The following NFASC variants were observed in gnomAD, a reference collection of about 807,000 sequenced individuals.
NFASC encodes the protein neurofascin, also known as neurofascin homolog.
NFASC carries 43 observed loss-of-function variants against 147.5 expected under a neutral mutation model. The observed-to-expected ratio is 0.29, with a 90% CI of 0.23 to 0.38. The LOEUF is 0.38. Among genes scored for constraint, NFASC ranks in the 10% least tolerant of loss-of-function variants. NFASC has a pLI of 1.00. For missense variants in NFASC, 1,320 were observed against 1,689.0 expected (o/e 0.78, Z 3.83); for synonymous variants, 622 against 665.5 (o/e 0.93, Z 1.01).
chr1:205,022,230 C>T lies in NFASC; in HGVS notation c.*5691C>T, dbSNP rs1017694500. On this transcript the variant is annotated 3_prime_UTR_variant, in exon 30 of 30. Coordinates refer to ENST00000339876, the MANE Select transcript of NFASC (RefSeq NM_001005388.3). ...TTTTCTGATTCCCAACTGCAATGTC[C>T]TCAGTCAGTGTTGTCCCTCTGCCCG... The T allele has an allele frequency of 6.6e-6, 1 of 152,652 alleles. No homozygotes were observed. Among genetic ancestry groups the T allele is most frequent in the African/African-American group, 2.4e-5 (1 of 41,428 alleles). The allele number at this position is 152,652 out of a possible 1,614,324, so 9.5% of individuals were successfully genotyped here.
At position 204,984,160 on chromosome 1, in the gene NFASC, G is replaced by C. The variant is rs753892725; in HGVS notation, c.2470+2140G>C. The C allele has an allele frequency of 6.4e-6, 10 of 1,561,912 alleles. No individual in the cohort carries two copies. The Middle Eastern group carries it at 5.0e-4, about 78-fold the overall frequency. ...AGTACCGAGTGAGGAAGCCAGCTCC[G>C]GACTCACCTAACTACCCAGCTCACT... On this transcript the variant is annotated intron_variant, in intron 21 of 29. Coordinates refer to ENST00000339876, the MANE Select transcript of NFASC (RefSeq NM_001005388.3).
At chr1:204,920,609 T>A (rs1372986135) in intron 1 of NFASC, 23 bp from the exon 2 acceptor site, 13 of 1,197,944 alleles carry the variant, frequency 1.1e-5, no homozygotes, top group Non-Finnish European at 1.4e-5. Context: ...CCTGGGGTTC[T>A]CCTTTGTGCT....
At chr1:204,854,833 G>C (rs4950969) in intron 1 of NFASC, among the ~76,000 whole-genome samples, 29,665 of 152,132 alleles carry the variant, frequency 0.19, 4,530 homozygotes, top group East Asian at 0.53. Flanking sequence ...CCCTCTCCTG[G>C]CCTCACTCTG....
chr1:204,887,166 C>T (rs2081453077), intron 1 of NFASC, among the ~76,000 whole-genome samples: 1 of 152,150 alleles, frequency 6.6e-6, no homozygotes, highest in South Asian at 2.1e-4. Flanking sequence ...CCCTCCTCCC[C>T]CAAGCACCTG....
chr1:204,917,082 T>C (rs1215066252), intron 1 of NFASC, among the ~76,000 whole-genome samples: 1 of 152,138 alleles, frequency 6.6e-6, no homozygotes, highest in African/African-American at 2.4e-5. Flanking sequence ...CCAAGCGTGG[T>C]GACACATACC....
At chr1:204,929,398 C>T (rs1215740189) in intron 2 of NFASC, 1 of 152,270 alleles carries the variant, frequency 6.6e-6, no homozygotes, top group Non-Finnish European at 1.5e-5. Context: ...GTTTCCTGGG[C>T]TAAGTGAAAA....
At chr1:204,865,935 T>C (rs890769433) in intron 1 of NFASC, among the ~76,000 whole-genome samples, 1 of 152,184 alleles carries the variant, frequency 6.6e-6, no homozygotes, top group African/African-American at 2.4e-5. Context: ...CTGCCAGCAG[T>C]GTATGGGAGT....
intron 1 of NFASC, among the ~76,000 whole-genome samples, chr1:204,885,676 C>G (rs1041242362): frequency 6.6e-6 from 1 of 152,190 alleles, no homozygotes; most frequent in African/African-American, 2.4e-5. Context: ...CTGATCCTGT[C>G]CCCACTCCCT....
At chr1:204,925,852 A>G (rs1032695761) in intron 2 of NFASC, among the ~76,000 whole-genome samples, 7 of 152,172 alleles carry the variant, frequency 4.6e-5, no homozygotes, top group African/African-American at 1.7e-4. Flanking sequence ...AATGGTCTGG[A>G]TTTCAAATGG....
chr1:204,837,477 A>G (rs74827552), intron 1 of NFASC, among the ~76,000 whole-genome samples: 1 of 152,220 alleles, frequency 6.6e-6, no homozygotes, highest in South Asian at 2.1e-4. Flanking sequence ...TTTTTTTGGC[A>G]TTGGTGAGGA....
intron 14 of NFASC, 121 bp downstream of exon 14, chr1:204,974,944 T>A: frequency 9.7e-7 from 1 of 1,030,588 alleles, no homozygotes; most frequent in South Asian, 1.5e-5. Context: ...TGGAGTGGGC[T>A]GCCCAGTTTG....
chr1:204,994,752 G>A (rs867206005), intron 24 of NFASC, among the ~76,000 whole-genome samples: 1 of 152,194 alleles, frequency 6.6e-6, no homozygotes, highest in Non-Finnish European at 1.5e-5. Context: ...TCCAAAGGGA[G>A]TGTTTTCTAA....
chr1:204,846,981 T>TGTGTGTG (rs2075232434), intron 1 of NFASC, among the ~76,000 whole-genome samples: 2 of 136,714 alleles, frequency 1.5e-5, no homozygotes, highest in East Asian at 2.5e-4. Context: ...GTGTGTGTGG[T>TGTGTGTG]GTGTAGGAGA....
At chr1:204,932,118 A>G (rs2092414391) in intron 2 of NFASC, among the ~76,000 whole-genome samples, 1 of 152,166 alleles carries the variant, frequency 6.6e-6, no homozygotes, top group African/African-American at 2.4e-5. Flanking sequence ...GAGAGGCAGA[A>G]TATAGGTCTC....
chr1:204,948,935 A>G lies in NFASC; in HGVS notation c.92-1622A>G, dbSNP rs1202064526. Among the ~76,000 whole-genome samples the G allele has an allele frequency of 3.3e-5, 5 of 152,308 alleles. No individual in the cohort carries two copies. In the East Asian group the frequency reaches 5.8e-4, roughly 18 times the overall value. On this transcript the variant is annotated intron_variant, in intron 3 of 29. Coordinates refer to ENST00000339876, the MANE Select transcript of NFASC (RefSeq NM_001005388.3). ...AAGAATGGCCCCTTCTCCCCACCCA[A>G]GCCAACTGGAGTTACCTTTCTTGGG...
chr1:204,876,996 G>GTGTA lies in NFASC; in HGVS notation c.-199-43635_-199-43634insGTAT, dbSNP rs1242156320. On this transcript the variant is annotated intron_variant, in intron 1 of 29. Coordinates refer to ENST00000339876, the MANE Select transcript of NFASC (RefSeq NM_001005388.3). Reference sequence around the variant, plus strand: ...TATGCCAAATGAGTTGGCTAAATATGTATATATATATATATATATATATAT... The same window carrying GTGTA: ...TATGCCAAATGAGTTGGCTAAATATGTGTATATATATATATATATATATATATAT... Among the ~76,000 whole-genome samples, 5 of 74,658 alleles carry GTGTA rather than the reference G, an allele frequency of 6.7e-5. No homozygotes were observed. In the South Asian group the frequency reaches 1.9e-3, roughly 29 times the overall value. 49.0% of individuals were successfully genotyped at this position (74,658 alleles called of 152,430 possible). A position where few individuals can be genotyped will look rare whatever the true frequency, so the allele number is the denominator to read the frequency against.
rs1282379465 is a variant in NFASC at position 204,928,881 on chromosome 1, A to G, written c.-91+8141A>G. Among the ~76,000 whole-genome samples, 13 of 152,080 alleles carry G rather than the reference A, an allele frequency of 8.5e-5. No homozygotes were observed. The East Asian group carries it at 2.1e-3, about 25-fold the overall frequency. The stretch of plus-strand genomic sequence containing the variant: ...GCTTATGAATAACATGGCGCCTCAT[A>G]AAGAGTTTTCGCCCTAGAGAGCCTG... On this transcript the variant is annotated intron_variant, in intron 2 of 29. Transcript: ENST00000339876.
intron 4 of NFASC, 60 bp from the exon 5 acceptor site, chr1:204,951,951 C>A: frequency 1.4e-6 from 2 of 1,415,476 alleles, no homozygotes; most frequent in African/African-American, 1.4e-5. Flanking sequence ...AGCTGTTCCC[C>A]AAGCTGGACC....
chr1:204,920,817 C>A, intron 2 of NFASC, 77 bp downstream of exon 2: 5 of 630,514 alleles, frequency 7.9e-6, no homozygotes, highest in Non-Finnish European at 1.3e-5. Context: ...CCTGCCCCTT[C>A]TCTTTGATAA....
Sources: gnomAD v4.1 joint callset for allele counts (sites outside exome capture counted in the v4.1 genomes callset) on GRCh38, gnomAD v4.1.1 for gene constraint, MANE v1.5 for transcripts, NCBI Gene and HGNC (gene_info 2026-07-23, HGNC 2026-07-21) for gene names.